Variants in TRIM24 observed in about 807,000 individuals in gnomAD.
TRIM24 encodes tripartite motif containing 24.
TRIM24 carries 29 observed loss-of-function variants against 123.9 expected under a neutral mutation model. The observed-to-expected ratio is 0.23, with a 90% CI of 0.17 to 0.32. TRIM24 has a LOEUF of 0.32. Among genes scored for constraint, TRIM24 ranks in the 10% least tolerant of loss-of-function variants. The pLI is 1.00. For synonymous variants in TRIM24, 456 were observed against 461.1 expected (o/e 0.99, Z 0.14); for missense variants, 932 against 1,295.3 (o/e 0.72, Z 4.31).
At chr7:138,566,097 T>C (rs776512067) in intron 9 of TRIM24, among the ~76,000 whole-genome samples, 1 of 152,182 alleles carries the variant, frequency 6.6e-6, no homozygotes, top group South Asian at 2.1e-4. Flanking sequence ...GGCCTTGGAG[T>C]GAGTCAGCTA....
At chr7:138,469,140 C>G (rs1795214769) in intron 1 of TRIM24, among the ~76,000 whole-genome samples, 1 of 152,144 alleles carries the variant, frequency 6.6e-6, no homozygotes, top group Non-Finnish European at 1.5e-5. Flanking sequence ...TGGTGGAAAA[C>G]TGATGTCAGA....
At chr7:138,527,156 G>T (rs1796627488) in intron 5 of TRIM24, among the ~76,000 whole-genome samples, 1 of 151,990 alleles carries the variant, frequency 6.6e-6, no homozygotes, top group African/African-American at 2.4e-5. Flanking sequence ...GGATTATTCT[G>T]TTCCATTGTG....
intron 1 of TRIM24, among the ~76,000 whole-genome samples, chr7:138,477,412 C>T (rs1401898869): frequency 6.6e-6 from 1 of 152,134 alleles, no homozygotes; most frequent in Non-Finnish European, 1.5e-5. Flanking sequence ...AATTAGACCT[C>T]TGTAAATGTA....
At chr7:138,515,634 T>C (rs1367206018) in intron 3 of TRIM24, among the ~76,000 whole-genome samples, 1 of 152,156 alleles carries the variant, frequency 6.6e-6, no homozygotes, top group Non-Finnish European at 1.5e-5. Context: ...AAAAATTGCT[T>C]TTTCTTATTT....
intron 4 of TRIM24, among the ~76,000 whole-genome samples, chr7:138,520,899 G>T (rs1338134580): frequency 6.6e-6 from 1 of 152,158 alleles, no homozygotes; most frequent in East Asian, 1.9e-4. Context: ...AAGAAGGATG[G>T]AAAGTACAGA....
At chr7:138,466,779 A>G (rs560490145) in intron 1 of TRIM24, among the ~76,000 whole-genome samples, 7 of 152,222 alleles carry the variant, frequency 4.6e-5, no homozygotes, top group Middle Eastern at 3.4e-3. Context: ...TGTCTTTTGA[A>G]GAGCTAAAGG....
intron 11 of TRIM24, among the ~76,000 whole-genome samples, chr7:138,572,572 C>T (rs745692504): frequency 3.9e-5 from 6 of 152,188 alleles, no homozygotes; most frequent in Non-Finnish European, 8.8e-5. Flanking sequence ...AAATGAGTGA[C>T]TGTTTTCTCA....
intron 7 of TRIM24, among the ~76,000 whole-genome samples, chr7:138,542,897 C>T (rs1303055076): frequency 6.6e-6 from 1 of 152,138 alleles, no homozygotes; most frequent in East Asian, 1.9e-4. Context: ...GCTATAGTCT[C>T]CATCCTGAGT....
intron 10 of TRIM24, among the ~76,000 whole-genome samples, chr7:138,570,461 G>C (rs1563064296): frequency 1.3e-5 from 2 of 152,150 alleles, no homozygotes; most frequent in African/African-American, 2.4e-5. Flanking sequence ...GTATTTTCAA[G>C]TATTTCAGAT....
intron 18 of TRIM24, 136 bp downstream of exon 18, chr7:138,584,135 A>G (rs1797963374): frequency 2.1e-6 from 2 of 937,804 alleles, no homozygotes; most frequent in Admixed American, 3.2e-5. Flanking sequence ...CAGGGAATGC[A>G]AGAGATAATT....
chr7:138,518,652 C>G (rs769804982), intron 3 of TRIM24, among the ~76,000 whole-genome samples: 1 of 151,980 alleles, frequency 6.6e-6, no homozygotes, highest in Non-Finnish European at 1.5e-5. Context: ...CCCTCTTTTT[C>G]CATCTCTTTC....
chr7:138,504,464 T>G (rs1796108086), intron 2 of TRIM24, 56 bp downstream of exon 2: 3 of 1,196,856 alleles, frequency 2.5e-6, no homozygotes, highest in Admixed American at 2.8e-5. Context: ...TTTTTTTTTT[T>G]TTTTTTTTTG....
chr7:138,506,573 T>TA (rs1796155642), intron 2 of TRIM24, among the ~76,000 whole-genome samples: 1 of 152,202 alleles, frequency 6.6e-6, no homozygotes, highest in African/African-American at 2.4e-5. Context: ...AAAATGATGA[T>TA]AATAGGACAT....
intron 7 of TRIM24, among the ~76,000 whole-genome samples, chr7:138,541,466 A>T (rs1297502014): frequency 6.6e-6 from 1 of 152,152 alleles, no homozygotes; most frequent in Non-Finnish European, 1.5e-5. Context: ...TTATTTTCTG[A>T]GCAGTGGGTC....
intron 1 of TRIM24, chr7:138,461,198 T>A (rs1192792870): frequency 1.5e-6 from 1 of 677,048 alleles, no homozygotes; most frequent in African/African-American, 1.8e-5. Context: ...ACTCGCACTT[T>A]TGCAGACCTC....
intron 6 of TRIM24, among the ~76,000 whole-genome samples, chr7:138,537,710 G>A (rs1796921575): frequency 6.6e-6 from 1 of 152,118 alleles, no homozygotes; most frequent in African/African-American, 2.4e-5. Context: ...CAGAGCCGTT[G>A]GATGTTGTTA....
At chr7:138,580,408 T>G (rs1258505207) in intron 15 of TRIM24, among the ~76,000 whole-genome samples, 154 bp from the exon 16 acceptor site, 1 of 152,226 alleles carries the variant, frequency 6.6e-6, no homozygotes, top group African/African-American at 2.4e-5. Flanking sequence ...CATGGTGCAG[T>G]ATACCTAGTG....
chr7:138,512,166 C>T (rs1278371793), intron 2 of TRIM24, among the ~76,000 whole-genome samples: 2 of 152,206 alleles, frequency 1.3e-5, no homozygotes, highest in Non-Finnish European at 2.9e-5. Flanking sequence ...AAGCCTTGGG[C>T]AGCTGTACCT....
chr7:138,565,886 G>T (rs1379230098), intron 9 of TRIM24, among the ~76,000 whole-genome samples: 1 of 152,176 alleles, frequency 6.6e-6, no homozygotes, highest in Non-Finnish European at 1.5e-5. Flanking sequence ...TTGTGACCTT[G>T]CAGCTGCATT....
Sources: gnomAD v4.1 joint callset for allele counts (sites outside exome capture counted in the v4.1 genomes callset) on GRCh38, gnomAD v4.1.1 for gene constraint, MANE v1.5 for transcripts, NCBI Gene and HGNC (gene_info 2026-07-23, HGNC 2026-07-21) for gene names.